The following LMX1A variants were observed in gnomAD, a reference collection of about 807,000 sequenced individuals.
LMX1A encodes the protein LIM homeobox transcription factor 1-alpha.
A neutral mutation model predicts 49.1 loss-of-function variants in LMX1A; 15 were observed. The observed-to-expected ratio is 0.31, with a 90% CI of 0.20 to 0.47. The LOEUF (loss-of-function observed/expected upper bound fraction) is 0.47, where lower values mean the gene tolerates loss of function less well. Ranked by LOEUF, LMX1A falls within the 20% of genes least tolerant of loss-of-function variation. The pLI is 1.00. For synonymous variants in LMX1A, 167 were observed against 185.7 expected (o/e 0.90, Z 0.82); for missense variants, 372 against 475.8 (o/e 0.78, Z 2.03).
In LMX1A at chr1:165,355,523, T is replaced by C. The variant is rs1021193062; in HGVS notation, c.37A>G (p.Ser13Gly). 1.1e-5 allele frequency: 17 copies of C among 1,613,964 alleles called. No homozygotes were observed. The highest frequency in any genetic ancestry group is 1.3e-5 in the African/African-American group (1 of 75,008). Residue 13 changes from serine to glycine, a missense_variant, in exon 2 of 9, where the codon AGC (serine) becomes GGC (glycine). Coordinates refer to ENST00000342310, the MANE Select transcript of LMX1A (RefSeq NM_177398.4). This position sits in a 1 kb window ranked among gnomAD's most constrained non-coding sequence, Gnocchi z 4.7. ...AAGGAGGCCGAGGTGTCGATCGCGC[T>C]TTGGAAGTTCTCCTCCATCTTTAGG... ...DGLKMEENFQ[S>G]AIDTSASFSS...
intron 3 of LMX1A, among the ~76,000 whole-genome samples, chr1:165,270,202 T>C (rs967300945): frequency 4.6e-5 from 7 of 152,194 alleles, no homozygotes; most frequent in African/African-American, 1.2e-4. Context: ...TGCATTCTTA[T>C]AGACAGTCTT....
At chr1:165,230,310 G>T (rs1354366593) in intron 4 of LMX1A, among the ~76,000 whole-genome samples, 2 of 152,158 alleles carry the variant, frequency 1.3e-5, no homozygotes, top group Non-Finnish European at 2.9e-5. Flanking sequence ...CTCAGTTTAT[G>T]TTCTTTTTGC....
chr1:165,271,138 G>A (rs182220311), intron 3 of LMX1A, among the ~76,000 whole-genome samples: 1 of 152,308 alleles, frequency 6.6e-6, no homozygotes, highest in East Asian at 1.9e-4. Flanking sequence ...GGGAAGACAT[G>A]TGGTCCTGTT....
intron 3 of LMX1A, among the ~76,000 whole-genome samples, chr1:165,349,706 C>T (rs532101786): frequency 4.6e-5 from 7 of 152,222 alleles, no homozygotes; most frequent in East Asian, 1.9e-4. Context: ...CGAAGTCTTC[C>T]GATGCATAGT....
At chr1:165,210,800 G>T (rs1318183474) in intron 5 of LMX1A, 24 bp from the exon 6 acceptor site, 3 of 1,575,614 alleles carry the variant, frequency 1.9e-6, no homozygotes, top group Non-Finnish European at 1.7e-6. Flanking sequence ...AACGAGAAAT[G>T]TAGACACACT....
chr1:165,340,164 A>G (rs1287997003), intron 3 of LMX1A, among the ~76,000 whole-genome samples: 2 of 152,014 alleles, frequency 1.3e-5, no homozygotes, highest in African/African-American at 4.8e-5. Flanking sequence ...TTGGAGTGCA[A>G]TGGTGATGGT....
intron 3 of LMX1A, among the ~76,000 whole-genome samples, chr1:165,340,211 T>A (rs112705651): frequency 0.026 from 3,989 of 152,152 alleles, 177 homozygotes; most frequent in African/African-American, 0.091. Flanking sequence ...AAAGCCATCC[T>A]CCCACCTCAG....
chr1:165,237,287 G>A (rs1437024484), intron 4 of LMX1A, among the ~76,000 whole-genome samples: 1 of 152,138 alleles, frequency 6.6e-6, no homozygotes, highest in South Asian at 2.1e-4. Context: ...GCAGTGGCAC[G>A]AACTCAGCTC....
At chr1:165,331,978 T>C (rs1655756040) in intron 3 of LMX1A, among the ~76,000 whole-genome samples, 1 of 152,118 alleles carries the variant, frequency 6.6e-6, no homozygotes, top group South Asian at 2.1e-4. Context: ...GACTGACAAC[T>C]ATAGTAAAAG....
intron 3 of LMX1A, among the ~76,000 whole-genome samples, chr1:165,292,061 CAAAAAAAAAAAAA>C (rs771664986): frequency 3.6e-5 from 3 of 82,542 alleles, no homozygotes; most frequent in African/African-American, 8.6e-5. Context: ...AACTCCGTCT[CAAAAAAAAAAAAA>C]AAAAAAAAAA....
chr1:165,271,329 A>T (rs568484110), intron 3 of LMX1A, among the ~76,000 whole-genome samples: 1 of 152,332 alleles, frequency 6.6e-6, no homozygotes, highest in Admixed American at 6.5e-5. Context: ...TGATACCAAC[A>T]TCCCAAAGAT....
intron 3 of LMX1A, among the ~76,000 whole-genome samples, chr1:165,277,122 G>C (rs1317560810): frequency 6.6e-6 from 1 of 152,236 alleles, no homozygotes; most frequent in Non-Finnish European, 1.5e-5. Flanking sequence ...CCACAGGAAT[G>C]GTGAGTGCCT....
chr1:165,244,785 T>C (rs143712918), intron 4 of LMX1A, among the ~76,000 whole-genome samples: 2,101 of 152,224 alleles, frequency 0.014, 21 homozygotes, highest in Non-Finnish European at 0.02. Context: ...AGAGCTCTTC[T>C]AGACACTTCT....
At chr1:165,225,353 A>C (rs1233214754) in intron 4 of LMX1A, among the ~76,000 whole-genome samples, 1 of 152,218 alleles carries the variant, frequency 6.6e-6, no homozygotes, top group Non-Finnish European at 1.5e-5. Context: ...ACTGATTATA[A>C]TTGTATGCAG....
intron 4 of LMX1A, among the ~76,000 whole-genome samples, chr1:165,245,773 A>C (rs1047826310): frequency 6.6e-6 from 1 of 152,104 alleles, no homozygotes; most frequent in Non-Finnish European, 1.5e-5. Flanking sequence ...GCACTATTTC[A>C]TACAATTACA....
At position 165,317,801 on chromosome 1, in the gene LMX1A, C is replaced by T. The variant is rs76544033; in HGVS notation, c.263+35275G>A. 9.4e-3 allele frequency among the ~76,000 whole-genome samples: 1,438 copies of T among 152,344 alleles called. 18 individuals are homozygous for T. Among genetic ancestry groups the T allele is most frequent in the Non-Finnish European group, 0.015 (1,017 of 68,036 alleles). On this transcript the variant is annotated intron_variant, in intron 3 of 8. Transcript: ENST00000342310. ...CGTCATCCTCTGGGTTCAGGGTCAACGCTACATTAATGACCCACCATTTAT... is the reference window on the plus strand; with the variant it reads ...CGTCATCCTCTGGGTTCAGGGTCAATGCTACATTAATGACCCACCATTTAT...
At chr1:165,213,534 C>G (rs77103889) in intron 5 of LMX1A, 107 bp downstream of exon 5, 29 of 1,028,366 alleles carry the variant, frequency 2.8e-5, no homozygotes, top group South Asian at 6.2e-5. Flanking sequence ...GTCTGAACAG[C>G]CTTCCTCACC....
intron 3 of LMX1A, among the ~76,000 whole-genome samples, chr1:165,299,501 G>A (rs541223743): frequency 6.6e-6 from 1 of 152,280 alleles, no homozygotes; most frequent in South Asian, 2.1e-4. Context: ...TGAACAAAAG[G>A]GGAGGGAAAA....
chr1:165,319,874 C>T (rs1655331007), intron 3 of LMX1A, among the ~76,000 whole-genome samples: 1 of 152,114 alleles, frequency 6.6e-6, no homozygotes, highest in Non-Finnish European at 1.5e-5. Context: ...ATATTCTCTA[C>T]TAAGCATTTA....
Sources: gnomAD v4.1 joint callset for allele counts (sites outside exome capture counted in the v4.1 genomes callset) on GRCh38, gnomAD v4.1.1 for gene constraint, Gnocchi (gnomAD v3.1) non-coding constraint, MANE v1.5 for transcripts, NCBI Gene and HGNC (gene_info 2026-07-23, HGNC 2026-07-21) for gene names.